Variants in ALMS1 observed in about 807,000 individuals in gnomAD.
The protein encoded by ALMS1 is centrosome-associated protein ALMS1.
ALMS1 carries 271 observed loss-of-function variants against 352.2 expected under a neutral mutation model. The observed-to-expected ratio is 0.77, with a 90% CI of 0.70 to 0.85. The LOEUF is 0.85. Among genes scored for constraint, ALMS1 ranks in the 40% least tolerant of loss-of-function variants. ALMS1 has a pLI of 0.00. For synonymous variants in ALMS1, 1,865 were observed against 1,761.2 expected (o/e 1.06, Z -1.48); for missense variants, 5,445 against 4,870.7 (o/e 1.12, Z -3.51).
intron 6 of ALMS1, among the ~76,000 whole-genome samples, chr2:73,429,196 G>C (rs1671452330): frequency 6.6e-6 from 1 of 151,756 alleles, no homozygotes; most frequent in South Asian, 2.1e-4. Context: ...TAGACTACTA[G>C]AGTCTCTGGT....
At chr2:73,416,211 T>C (rs1043078011) in intron 2 of ALMS1, among the ~76,000 whole-genome samples, 1 of 152,110 alleles carries the variant, frequency 6.6e-6, no homozygotes, top group Non-Finnish European at 1.5e-5. Flanking sequence ...TAGAAAGGAG[T>C]GCCCTCTAAA....
At chr2:73,404,633 C>T (rs1248279790) in intron 1 of ALMS1, among the ~76,000 whole-genome samples, 1 of 152,014 alleles carries the variant, frequency 6.6e-6, no homozygotes, top group Non-Finnish European at 1.5e-5. Context: ...TCCACTTGGT[C>T]ATGGTGTGTA....
rs755542969 is a variant in ALMS1, at chr2:73,490,643, G to A, written c.8684G>A (p.Arg2895His). 5.6e-6 allele frequency: 9 copies of A among 1,613,790 alleles called. No homozygotes were observed. The Admixed American group carries it at 6.7e-5, about 12-fold the overall frequency. Reference sequence around the variant, plus strand: ...CTCTTTGAACAAAGCAAAGCCCCACGTGCAGATGACCATGTGAGGAAACAC... The same window carrying A: ...CTCTTTGAACAAAGCAAAGCCCCACATGCAGATGACCATGTGAGGAAACAC... ...RELFEQSKAP[R>H]ADDHVRKHHS... is the part of the protein sequence containing the mutation. The change falls in exon 10 of 23, where the codon CGT becomes CAT. Residue 2895 changes from arginine (R) to histidine (H), a missense_variant. Physicochemically the swap from Arg to His is conservative, Grantham distance 29. Coordinates refer to ENST00000613296, the MANE Select transcript of ALMS1 (RefSeq NM_001378454.1).
rs188144912 is a variant in ALMS1, at chr2:73,548,157, A to G, written c.9908-2110A>G. On this transcript the variant is annotated intron_variant, in intron 12 of 22. Transcript: ENST00000613296. ...GTTGGGTCTACAATTGAATGTAGGC[A>G]GAGTTAATTTACACATGTTAAGGTA... is the stretch of plus-strand genomic sequence containing the variant. Among the ~76,000 whole-genome samples the G allele has an allele frequency of 1.1e-3, 163 of 152,310 alleles. 4 individuals are homozygous for G. The Middle Eastern group carries it at 0.027, about 25-fold the overall frequency.
chr2:73,451,584 A>G lies in ALMS1; in HGVS notation c.5057A>G (p.Glu1686Gly), dbSNP rs947249342. 5 of 1,614,084 alleles carry G rather than the reference A, an allele frequency of 3.1e-6. No individual in the cohort carries two copies. The highest frequency in any genetic ancestry group is 1.7e-4 in the Middle Eastern group (1 of 6,058). Residue 1686 changes from glutamate (E) to glycine (G), a missense_variant, in exon 8 of 23, where the codon GAA (glutamate) becomes GGA (glycine). Transcript: ENST00000613296. ...ACCCTATCAGACAGTCATTTACCTG[A>G]AGAAGCTCTGAAAGTTCCACCTGTT... ...QQTLSDSHLP[E>G]EALKVPPVPG...
intron 9 of ALMS1, among the ~76,000 whole-genome samples, chr2:73,472,289 T>A (rs1396882089): frequency 6.6e-6 from 1 of 152,050 alleles, no homozygotes; most frequent in African/African-American, 2.4e-5. Context: ...TTAGTAGATC[T>A]AATGGAGAAA....
chr2:73,504,923 C>A (rs1329297710), intron 10 of ALMS1, among the ~76,000 whole-genome samples: 1 of 152,080 alleles, frequency 6.6e-6, no homozygotes, highest in Admixed American at 6.6e-5. Context: ...ATGTTCCCCT[C>A]CCTGTGCCCA....
At chr2:73,470,355 G>C (rs1558658872) in intron 9 of ALMS1, 1 of 151,294 alleles carries the variant, frequency 6.6e-6, no homozygotes, top group African/African-American at 2.4e-5. Flanking sequence ...TCCTGATTTT[G>C]CTTCATCCTG....
intron 10 of ALMS1, among the ~76,000 whole-genome samples, chr2:73,511,370 C>G (rs1406449255): frequency 6.6e-6 from 1 of 152,004 alleles, no homozygotes; most frequent in Non-Finnish European, 1.5e-5. Flanking sequence ...GTGGGAAAAG[C>G]CTAGTATCTG....
At chr2:73,460,955 T>C (rs997972503) in intron 9 of ALMS1, among the ~76,000 whole-genome samples, 1 of 152,204 alleles carries the variant, frequency 6.6e-6, no homozygotes, top group African/African-American at 2.4e-5. Flanking sequence ...TCGAACTGGG[T>C]GGAGCCCACT....
chr2:73,575,524 T>C (rs1675033545), intron 16 of ALMS1, among the ~76,000 whole-genome samples: 2 of 152,196 alleles, frequency 1.3e-5, no homozygotes, highest in South Asian at 4.1e-4. Flanking sequence ...TCCTGTTGGG[T>C]GTGAGTTAGT....
chr2:73,499,628 A>T (rs150122526), intron 10 of ALMS1, among the ~76,000 whole-genome samples: 1 of 152,124 alleles, frequency 6.6e-6, no homozygotes, highest in African/African-American at 2.4e-5. Flanking sequence ...GGGAATTCTG[A>T]TATCTCTTTT....
intron 15 of ALMS1, among the ~76,000 whole-genome samples, chr2:73,571,318 T>G (rs1004396122): frequency 6.6e-6 from 1 of 152,232 alleles, no homozygotes; most frequent in Admixed American, 6.5e-5. Flanking sequence ...TGATGTCATA[T>G]CAGAGATTAG....
chr2:73,436,776 C>A (rs1230780222), intron 7 of ALMS1, among the ~76,000 whole-genome samples: 1 of 152,062 alleles, frequency 6.6e-6, no homozygotes, highest in Admixed American at 6.5e-5. Flanking sequence ...GTGACTTTGC[C>A]ATCATACCTA....
rs941586130 is a variant in ALMS1, at chr2:73,451,042, T to C, written c.4515T>C (p.Ala1505=). The C allele has an allele frequency of 3.7e-6, 6 of 1,613,620 alleles. No homozygotes were observed. Among genetic ancestry groups the C allele is most frequent in the Non-Finnish European group, 5.1e-6 (6 of 1,179,856 alleles). ...LPEESLKVSV[A]PGPVGQTTGA... is the part of the protein sequence containing the mutation. ...AAGAGTCTCTGAAAGTTTCAGTTGC[T>C]CCTGGACCAGTTGGCCAGACAACTG... Residue 1505 remains alanine (A), a synonymous_variant, in exon 8 of 23, where the codon GCT becomes GCC. Transcript: ENST00000613296.
intron 13 of ALMS1, among the ~76,000 whole-genome samples, chr2:73,555,278 A>G (rs914158725): frequency 6.6e-6 from 1 of 152,204 alleles, no homozygotes; most frequent in Admixed American, 6.5e-5. Flanking sequence ...AGAAAGAAAA[A>G]TGAAACAGAA....
chr2:73,461,135 G>T (rs1464091003), intron 9 of ALMS1, among the ~76,000 whole-genome samples: 1 of 152,222 alleles, frequency 6.6e-6, no homozygotes, highest in South Asian at 2.1e-4. Context: ...TGGGCAGACT[G>T]CCTCCTCAAG....
intron 13 of ALMS1, among the ~76,000 whole-genome samples, chr2:73,551,140 T>C (rs578035250): frequency 5.3e-4 from 80 of 152,340 alleles, no homozygotes; most frequent in African/African-American, 1.9e-3. Context: ...ATTACAGGCA[T>C]GAACCACCGC....
chr2:73,491,421 C>T lies in ALMS1; in HGVS notation c.9462C>T (p.Thr3154=). Reference sequence around the variant, plus strand: ...CTTCTCAGAATAGCCAGATAGTAACCTCCAGGCAAATACAAGTGAACATTT... The same window carrying T: ...CTTCTCAGAATAGCCAGATAGTAACTTCCAGGCAAATACAAGTGAACATTT... ...TIPSQNSQIV[T]SRQIQVNISD... is the part of the protein sequence containing the mutation. The change falls in exon 10 of 23, where the codon ACC becomes ACT. Residue 3154 remains threonine, a synonymous_variant. Coordinates refer to ENST00000613296, the MANE Select transcript of ALMS1 (RefSeq NM_001378454.1). 6.2e-7 allele frequency: 1 copy of T among 1,614,138 alleles called. No individual in the cohort carries two copies. Among genetic ancestry groups the T allele is most frequent in the Non-Finnish European group, 8.5e-7 (1 of 1,180,010 alleles).
Sources: allele counts gnomAD v4.1 joint callset (sites outside exome capture counted in the v4.1 genomes callset), GRCh38; gene constraint gnomAD v4.1.1; transcripts MANE v1.5; gene names NCBI Gene and HGNC (gene_info 2026-07-23, HGNC 2026-07-21).